KLK13: variants seen among roughly 807,000 people sequenced by gnomAD.
KLK13 encodes kallikrein related peptidase 13, also known as kallikrein-13.
In KLK13, 19 loss-of-function variants were observed where a neutral mutation model predicts 22.4. That is an observed-to-expected ratio of 0.85 (90% confidence interval 0.59 to 1.24). The LOEUF is 1.24. KLK13 is among the 50% of genes most tolerant of loss of function. The pLI is 0.00. For synonymous variants in KLK13, 156 were observed against 141.8 expected, an observed-to-expected ratio of 1.10 and a Z score of -0.71; for missense variants, 311 against 347.9, an observed-to-expected ratio of 0.89 and a Z score of 0.84.
chr19:51,063,655 G>T (rs1266870245), intron 1 of KLK13: 1 of 456,686 alleles, frequency 2.2e-6, no homozygotes, highest in Non-Finnish European at 4.4e-6. Flanking sequence ...TGGCACTCAG[G>T]AGTGGCACGG....
chr19:51,065,171 C>G (rs2091771782), upstream of KLK13: 2 of 751,560 alleles, frequency 2.7e-6, no homozygotes, highest in Admixed American at 2.8e-5. Flanking sequence ...AACCTCTCTG[C>G]TCCTGAATGT....
At chr19:51,057,385 C>A (rs2091685530) in intron 4 of KLK13, among the ~76,000 whole-genome samples, 1 of 152,004 alleles carries the variant, frequency 6.6e-6, no homozygotes, top group African/African-American at 2.4e-5. Flanking sequence ...ATGTAGTATC[C>A]ATTTCCTCTT....
chr19:51,056,558 A>G lies in KLK13; in HGVS notation c.*29T>C. On this transcript the variant is annotated 3_prime_UTR_variant, in exon 5 of 5. Transcript: ENST00000595793. ...GACCATGTGAGGAAGTCATGGTGACAGGATGGAAGCCGGTACATTTCTCAA... is the reference window on the plus strand; with the variant it reads ...GACCATGTGAGGAAGTCATGGTGACGGGATGGAAGCCGGTACATTTCTCAA... 6.2e-7 allele frequency: 1 copy of G among 1,608,788 alleles called. No individual in the cohort carries two copies. The highest frequency in any genetic ancestry group is 2.2e-5 in the East Asian group (1 of 44,846).
In KLK13 at chr19:51,059,867, T is replaced by G. The variant is rs142449744; in HGVS notation, c.466A>C (p.Thr156Pro). 189 of 1,602,948 alleles carry G rather than the reference T, an allele frequency of 1.2e-4. No individual in the cohort carries two copies. Among genetic ancestry groups the G allele is most frequent in the Non-Finnish European group, 1.5e-4 (175 of 1,174,154 alleles). The change falls in exon 3 of 5, where the codon ACC becomes CCC. Residue 156 changes from threonine (T) to proline (P), a missense_variant. By Grantham distance (38) the Thr-to-Pro change is conservative. Transcript: ENST00000595793. The part of the protein sequence containing the change: ...SHNNRLTPGT[T>P]CRVSGWGTTT... ...GTGCCCCAGCCAGACACCCGACAGGTGGTGCCAGGGGTTAGGCGGTTGTTG... is the reference window on the plus strand; with the variant it reads ...GTGCCCCAGCCAGACACCCGACAGGGGGTGCCAGGGGTTAGGCGGTTGTTG...
At chr19:51,065,246 C>A (rs997860304), upstream of KLK13, 2 of 521,776 alleles carry the variant, frequency 3.8e-6, no homozygotes, top group African/African-American at 4.0e-5. Flanking sequence ...CCAATTCCAT[C>A]CTTGGTGGGG....
At chr19:51,058,868 C>T (rs1050048704) in intron 3 of KLK13, among the ~76,000 whole-genome samples, 194 bp from the exon 4 acceptor site, 17 of 150,564 alleles carry the variant, frequency 1.1e-4, no homozygotes, top group Admixed American at 7.3e-4. Context: ...GGGAGAGAGG[C>T]GAAGGGAGAG....
At chr19:51,064,827 G>T in intron 1 of KLK13, 189 bp downstream of exon 1, 1 of 611,044 alleles carries the variant, frequency 1.6e-6, no homozygotes, top group Non-Finnish European at 2.9e-6. Context: ...GGGTCGGAGG[G>T]CCAACCTCAG....
At chr19:51,058,761 A>G in intron 3 of KLK13, 87 bp from the exon 4 acceptor site, 1 of 1,308,610 alleles carries the variant, frequency 7.6e-7, no homozygotes, top group Middle Eastern at 1.9e-4. Context: ...ATGGGTAAAG[A>G]GTAGATAGAA....
In KLK13 at chr19:51,060,084, T is replaced by C; in HGVS notation, c.249A>G (p.Lys83=). The change falls in exon 3 of 5, where the codon AAA becomes AAG. Residue 83 remains lysine, a synonymous_variant. Transcript: ENST00000595793. ...TAAHCLKEGL[K]VYLGKHALGR... ...CTAGGGCGTGCTTGCCTAGGTAAAC[T>C]TTGAGCCCCCTGTGGGTGCAGAAAG... is the stretch of plus-strand genomic sequence containing the variant. The C allele has an allele frequency of 6.2e-7, 1 of 1,613,204 alleles. No individual in the cohort carries two copies. Among genetic ancestry groups the C allele is most frequent in the Non-Finnish European group, 8.5e-7 (1 of 1,179,660 alleles).
intron 3 of KLK13, chr19:51,059,558 T>C (rs2091706099): frequency 5.4e-6 from 1 of 184,260 alleles, no homozygotes; most frequent in Non-Finnish European, 1.1e-5. Flanking sequence ...TATATTACTA[T>C]ATAATACATA....
rs924998715 is a variant in KLK13, at chr19:51,060,590, T to G, written c.82A>C (p.Asn28His). 6.2e-7 allele frequency: 1 copy of G among 1,610,212 alleles called. No individual in the cohort carries two copies. The highest frequency in any genetic ancestry group is 8.5e-7 in the Non-Finnish European group (1 of 1,177,466). Residue 28 changes from asparagine (N) to histidine (H), a missense_variant, in exon 2 of 5, where the codon AAC becomes CAC. Asn to His is a moderately conservative substitution (Grantham distance 68). Coordinates refer to ENST00000595793, the MANE Select transcript of KLK13 (RefSeq NM_015596.3). The part of the protein sequence containing the change: ...GVSQESSKVL[N>H]TNGTSGFLPG... Reference sequence around the variant, plus strand: ...AGAAACCCACTGGTCCCATTGGTGTTGAGAACCTTGGAAGACTCCTGGGAG... The same window carrying G: ...AGAAACCCACTGGTCCCATTGGTGTGGAGAACCTTGGAAGACTCCTGGGAG...
At chr19:51,063,506 G>C in intron 1 of KLK13, 1 of 363,356 alleles carries the variant, frequency 2.8e-6, no homozygotes, top group South Asian at 2.0e-5. Flanking sequence ...GGCATCGCCG[G>C]TGTCATTGGA....
intron 1 of KLK13, chr19:51,064,792 G>A (rs2091765158): frequency 1.6e-6 from 1 of 620,142 alleles, no homozygotes; most frequent in South Asian, 1.8e-5. Flanking sequence ...CTGCTGCGAG[G>A]GTATTTTGGG....
In KLK13 at chr19:51,058,669, A is replaced by G. The variant is rs936444815; in HGVS notation, c.514T>C (p.Tyr172His). The change falls in exon 4 of 5, where the codon TAC becomes CAC. Residue 172 changes from tyrosine to histidine, a missense_variant. Physicochemically the swap from Tyr to His is moderately conservative, Grantham distance 83 (BLOSUM62 2). Coordinates refer to ENST00000595793, the MANE Select transcript of KLK13 (RefSeq NM_015596.3). ...TTGGCACATTGTAGAGTTTTGGGGT[A>G]ATTCACTGGGGAGAAGAAAGAGAAG... ...WGTTTSPQVNYPKTLQCANIQ... is the reference protein window; with the variant it reads ...WGTTTSPQVNHPKTLQCANIQ... The G allele has an allele frequency of 6.2e-7, 1 of 1,614,160 alleles. No homozygotes were observed.
chr19:51,060,685 T>G, intron 1 of KLK13, 66 bp from the exon 2 acceptor site: 1 of 1,361,480 alleles, frequency 7.3e-7, no homozygotes, highest in Admixed American at 2.1e-5. Context: ...GGGGTTGTGG[T>G]TTCTGGGTTT....
chr19:51,065,574 A>C (rs545146336), upstream of KLK13, among the ~76,000 whole-genome samples: 2 of 148,734 alleles, frequency 1.3e-5, no homozygotes, highest in African/African-American at 2.5e-5. Flanking sequence ...CATCCTTCCT[A>C]TCCCCTCTTC....
intron 1 of KLK13, among the ~76,000 whole-genome samples, chr19:51,061,702 G>A (rs569228550): frequency 7.2e-5 from 11 of 152,252 alleles, no homozygotes; most frequent in African/African-American, 2.2e-4. Context: ...ACATCCCTCC[G>A]ATCCAGTCTT....
intron 4 of KLK13, 137 bp from the exon 5 acceptor site, chr19:51,056,912 G>GAC (rs1212029255): frequency 7.8e-6 from 5 of 641,512 alleles, no homozygotes; most frequent in Non-Finnish European, 1.3e-5. Context: ...GGCAGAGTCA[G>GAC]ACACACACAG....
chr19:51,065,138 G>T (rs1348224212), upstream of KLK13: 6 of 1,147,882 alleles, frequency 5.2e-6, no homozygotes, highest in African/African-American at 4.7e-5. Flanking sequence ...TGTTGAGGGC[G>T]TGCCCGGAAC....
Sources: allele counts gnomAD v4.1 joint callset (sites outside exome capture counted in the v4.1 genomes callset), GRCh38; gene constraint gnomAD v4.1.1; transcripts MANE v1.5; gene names NCBI Gene and HGNC (gene_info 2026-07-23, HGNC 2026-07-21).